CNTNAP2: variants seen among roughly 807,000 people sequenced by gnomAD.
The protein encoded by CNTNAP2 is contactin-associated protein-like 2.
CNTNAP2 carries 98 observed loss-of-function variants against 155.2 expected under a neutral mutation model. The ratio of observed to expected loss-of-function variants is 0.63; its 90% confidence interval spans 0.54 to 0.75. The LOEUF is 0.75. Ranked by LOEUF, CNTNAP2 falls within the 30% of genes least tolerant of loss-of-function variation. CNTNAP2 has a pLI of 0.00. For synonymous variants in CNTNAP2, 651 were observed against 631.2 expected, an observed-to-expected ratio of 1.03 and a Z score of -0.47; for missense variants, 1,727 against 1,688.1, an observed-to-expected ratio of 1.02 and a Z score of -0.40.
At chr7:146,957,733 G>T (rs898102658) in intron 3 of CNTNAP2, among the ~76,000 whole-genome samples, 4 of 152,034 alleles carry the variant, frequency 2.6e-5, no homozygotes, top group Admixed American at 1.3e-4. Context: ...TTGCATGCCT[G>T]TATCAAAACA....
chr7:148,159,259 C>T (rs1020985775), intron 17 of CNTNAP2, among the ~76,000 whole-genome samples: 1 of 152,134 alleles, frequency 6.6e-6, no homozygotes, highest in Non-Finnish European at 1.5e-5. Flanking sequence ...TTCACCATTG[C>T]CAGCTTCACC....
At chr7:147,919,023 A>G (rs1482373921) in intron 14 of CNTNAP2, among the ~76,000 whole-genome samples, 2 of 152,036 alleles carry the variant, frequency 1.3e-5, no homozygotes, top group African/African-American at 2.4e-5. Flanking sequence ...GTGAGAAAAG[A>G]CCCTTTCCTG....
intron 1 of CNTNAP2, among the ~76,000 whole-genome samples, chr7:146,681,936 G>A (rs1800511968): frequency 6.6e-6 from 1 of 152,000 alleles, no homozygotes; most frequent in South Asian, 2.1e-4. Context: ...TAGTATTTCA[G>A]GTTAATGAAT....
In CNTNAP2 at chr7:148,021,955, T is replaced by C. The variant is rs557091284; in HGVS notation, c.2383+43966T>C. Among the ~76,000 whole-genome samples the C allele has an allele frequency of 4.6e-5, 7 of 152,274 alleles. No homozygotes were observed. The East Asian group carries it at 1.4e-3, about 29-fold the overall frequency. On this transcript the variant is annotated intron_variant, in intron 15 of 23. Coordinates refer to ENST00000361727, the MANE Select transcript of CNTNAP2 (RefSeq NM_014141.6). ...ACTACTTCGCTGCCTCCGTCTCCTC[T>C]GTGGGTGGAAAGGATGGACCCAAAG...
chr7:146,721,889 A>ATATATATATATATGTTTTTTTTTTT, intron 1 of CNTNAP2, among the ~76,000 whole-genome samples: 1 of 69,738 alleles, frequency 1.4e-5, no homozygotes, highest in African/African-American at 1.9e-4. Flanking sequence ...ATATATATAT[A>ATATATATATATATGTTTTTTTTTTT]TTTTTTTTTT....
rs756803746 is a variant in CNTNAP2, at chr7:146,655,898, TCTTTC to T, written c.98-118369_98-118365del. On this transcript the variant is annotated intron_variant, in intron 1 of 23. Coordinates refer to ENST00000361727, the MANE Select transcript of CNTNAP2 (RefSeq NM_014141.6). The stretch of plus-strand genomic sequence containing the variant: ...AATGTGACAATGGTTTGTGTACTTT[TCTTTC>T]CTTGTCTTCTCTGAGCATCTCTCTA... 4.2e-4 allele frequency among the ~76,000 whole-genome samples: 64 copies of T among 152,342 alleles called. 1 individual carries two copies. The East Asian group carries it at 0.011, about 27-fold the overall frequency.
chr7:147,805,573 G>A (rs563070713), intron 13 of CNTNAP2, among the ~76,000 whole-genome samples: 1 of 152,308 alleles, frequency 6.6e-6, no homozygotes, highest in Admixed American at 6.5e-5. Context: ...GTCAGATACA[G>A]CCTTTATTGT....
chr7:147,011,543 T>C (rs1798624884), intron 3 of CNTNAP2, among the ~76,000 whole-genome samples: 1 of 151,930 alleles, frequency 6.6e-6, no homozygotes, highest in African/African-American at 2.4e-5. Flanking sequence ...CTGGATCCTT[T>C]TGGTATTGTT....
intron 1 of CNTNAP2, among the ~76,000 whole-genome samples, chr7:146,497,245 T>G (rs921466163): frequency 6.6e-6 from 1 of 152,170 alleles, no homozygotes; most frequent in Non-Finnish European, 1.5e-5. Flanking sequence ...TCTTAAACAC[T>G]GAAAAAGTAT....
intron 1 of CNTNAP2, among the ~76,000 whole-genome samples, chr7:146,151,682 G>GTATATATATATATA (rs775446723): frequency 2.7e-5 from 2 of 74,140 alleles, no homozygotes; most frequent in Admixed American, 2.0e-4. Flanking sequence ...ATATATATAT[G>GTATATATATATATA]TATATATATA....
At chr7:148,019,793 G>A (rs1015829588) in intron 15 of CNTNAP2, among the ~76,000 whole-genome samples, 4 of 151,644 alleles carry the variant, frequency 2.6e-5, no homozygotes, top group South Asian at 4.2e-4. Flanking sequence ...GGGTGTGAGG[G>A]GAGGGTGAGG....
chr7:148,334,688 C>T (rs1430129548), intron 21 of CNTNAP2, among the ~76,000 whole-genome samples: 2 of 152,188 alleles, frequency 1.3e-5, no homozygotes, highest in Non-Finnish European at 1.5e-5. Context: ...GCCTGCACAC[C>T]TTTGCCAGGC....
Position 147,678,099 on chromosome 7 carries a change from T to C in CNTNAP2, c.2098+38793T>C, listed in dbSNP as rs370620425. On this transcript the variant is annotated intron_variant, in intron 13 of 23. Transcript: ENST00000361727. ...ATAACCTAAACTTGATAACCAATCA[T>C]AGTTTTACATACTAACTGGCAGTTC... 3.3e-5 allele frequency among the ~76,000 whole-genome samples: 5 copies of C among 152,008 alleles called. 1 individual carries two copies. The highest frequency in any genetic ancestry group is 1.2e-4 in the African/African-American group (5 of 41,540).
At chr7:148,051,043 G>T (rs551201308) in intron 15 of CNTNAP2, among the ~76,000 whole-genome samples, 76 of 152,310 alleles carry the variant, frequency 5.0e-4, no homozygotes, top group African/African-American at 1.5e-3. Context: ...GCTCAGCAAT[G>T]CATGACTGTA....
In CNTNAP2 at chr7:147,004,123, C is replaced by T. The variant is rs146687439; in HGVS notation, c.403-39784C>T. On this transcript the variant is annotated intron_variant, in intron 3 of 23. Transcript: ENST00000361727. ...AAGAATATATTTCCATGATATTTGGCGAGGAAATATATTTGGTTAGATGTA... is the reference window on the plus strand; with the variant it reads ...AAGAATATATTTCCATGATATTTGGTGAGGAAATATATTTGGTTAGATGTA... Among the ~76,000 whole-genome samples the T allele has an allele frequency of 1.6e-3, 234 of 146,020 alleles. 1 individual carries two copies. The highest frequency in any genetic ancestry group is 2.2e-3 in the Non-Finnish European group (151 of 67,186).
intron 1 of CNTNAP2, among the ~76,000 whole-genome samples, chr7:146,149,259 T>A (rs12703773): frequency 0.28 from 42,846 of 151,990 alleles, 6,683 homozygotes; most frequent in African/African-American, 0.41. Flanking sequence ...ATTGACAATA[T>A]GATCCCTACT....
intron 12 of CNTNAP2, among the ~76,000 whole-genome samples, chr7:147,563,420 A>T (rs12537152): frequency 6.6e-6 from 1 of 151,796 alleles, no homozygotes; most frequent in Admixed American, 6.6e-5. Context: ...CATGAGGTCA[A>T]GAGGTCGAGA....
rs553803275 is a variant in CNTNAP2, at chr7:147,033,937, AT to A, written c.403-9968del. On this transcript the variant is annotated intron_variant, in intron 3 of 23. Coordinates refer to ENST00000361727, the MANE Select transcript of CNTNAP2 (RefSeq NM_014141.6). ...AATAAAGTGCAAGCAAAGCAAGTTT[AT>A]TAGAGTAACAGAGTAGGGAAAAACG... Among the ~76,000 whole-genome samples the A allele has an allele frequency of 3.7e-3, 565 of 152,290 alleles. 9 individuals are homozygous for A. Among genetic ancestry groups the A allele is most frequent in the Middle Eastern group, 0.014 (4 of 294 alleles).
At chr7:147,309,750 T>G (rs908130878) in intron 9 of CNTNAP2, among the ~76,000 whole-genome samples, 1 of 152,114 alleles carries the variant, frequency 6.6e-6, no homozygotes, top group African/African-American at 2.4e-5. Flanking sequence ...CTTTTATTTT[T>G]GGTTCAGGGG....
Sources: allele counts gnomAD v4.1 joint callset (sites outside exome capture counted in the v4.1 genomes callset), GRCh38; gene constraint gnomAD v4.1.1; transcripts MANE v1.5; gene names NCBI Gene and HGNC (gene_info 2026-07-23, HGNC 2026-07-21).